Variants in SNTG1 observed in about 807,000 individuals in gnomAD.
SNTG1 encodes the protein syntrophin gamma 1, also known as gamma-1-syntrophin.
Under a neutral mutation model 74.7 loss-of-function variants are expected in SNTG1, and 39 were observed. The observed-to-expected ratio is 0.52, with a 90% CI of 0.40 to 0.68. SNTG1 has a LOEUF of 0.68. Among genes scored for constraint, SNTG1 ranks in the 30% least tolerant of loss-of-function variants. SNTG1 has a pLI of 0.00. For synonymous variants in SNTG1, 254 were observed against 217.1 expected (o/e 1.17, Z -1.49); for missense variants, 685 against 609.5 (o/e 1.12, Z -1.30).
At chr8:50,777,235 A>AT (rs1465747919) in intron 18 of SNTG1, among the ~76,000 whole-genome samples, 1 of 146,850 alleles carries the variant, frequency 6.8e-6, no homozygotes, top group Non-Finnish European at 1.5e-5. Context: ...ATATATATAT[A>AT]ATAATATAAT....
At chr8:50,359,382 T>C (rs2091900219) in intron 2 of SNTG1, among the ~76,000 whole-genome samples, 2 of 152,220 alleles carry the variant, frequency 1.3e-5, no homozygotes, top group Admixed American at 1.3e-4. Context: ...TCTTGCTCTA[T>C]ACAGTCTACT....
At chr8:50,271,059 C>T (rs1252856403) in intron 2 of SNTG1, among the ~76,000 whole-genome samples, 1 of 152,144 alleles carries the variant, frequency 6.6e-6, no homozygotes, top group Non-Finnish European at 1.5e-5. Flanking sequence ...ATGAGATACT[C>T]TGTACCAAAT....
intron 1 of SNTG1, among the ~76,000 whole-genome samples, chr8:49,960,593 C>T (rs1056027989): frequency 6.6e-6 from 1 of 151,856 alleles, no homozygotes; most frequent in Non-Finnish European, 1.5e-5. Context: ...CCATAAGATG[C>T]TACAGTTCAA....
At chr8:50,155,468 A>G (rs1459580999) in intron 1 of SNTG1, among the ~76,000 whole-genome samples, 1 of 152,162 alleles carries the variant, frequency 6.6e-6, no homozygotes, top group Non-Finnish European at 1.5e-5. Context: ...TAGAAAAAAA[A>G]ATGGAAGAAA....
At chr8:50,652,778 C>T (rs1275958699) in intron 13 of SNTG1, among the ~76,000 whole-genome samples, 1 of 151,838 alleles carries the variant, frequency 6.6e-6, no homozygotes, top group Non-Finnish European at 1.5e-5. Context: ...GCCTGGATGA[C>T]AGAGTGTGAC....
intron 17 of SNTG1, among the ~76,000 whole-genome samples, chr8:50,748,614 A>G (rs1405248179): frequency 1.3e-5 from 2 of 152,022 alleles, no homozygotes; most frequent in Non-Finnish European, 2.9e-5. Context: ...GCAACCCTGC[A>G]TTGAGCCACT....
intron 4 of SNTG1, among the ~76,000 whole-genome samples, chr8:50,430,921 C>A (rs1369037847): frequency 6.6e-6 from 1 of 152,096 alleles, no homozygotes; most frequent in Non-Finnish European, 1.5e-5. Context: ...CACACCATAC[C>A]CTGATGTGAA....
intron 13 of SNTG1, among the ~76,000 whole-genome samples, chr8:50,625,993 G>T (rs774047351): frequency 1.3e-5 from 2 of 152,142 alleles, no homozygotes; most frequent in East Asian, 3.9e-4. Flanking sequence ...ACAGCCAAAA[G>T]ATACACACAT....
chr8:50,515,886 C>T (rs963013337), intron 9 of SNTG1, among the ~76,000 whole-genome samples: 24 of 152,114 alleles, frequency 1.6e-4, no homozygotes, highest in African/African-American at 5.3e-4. Context: ...CTTCAGCAGA[C>T]TTAAACGTTC....
rs145378069 is a variant in SNTG1 at position 50,109,461 on chromosome 8, AG to A, written c.-102-63099del. 5.7e-3 allele frequency among the ~76,000 whole-genome samples: 872 copies of A among 152,278 alleles called. 5 individuals are homozygous for A. Among genetic ancestry groups the A allele is most frequent in the Middle Eastern group, 0.01 (3 of 294 alleles). Reference sequence around the variant, plus strand: ...AGAGTATAAAACATGGAGGAATCATAGTGGGGAAAATTGGTAAAACTGCACC... The same window carrying A: ...AGAGTATAAAACATGGAGGAATCATATGGGGAAAATTGGTAAAACTGCACC... On this transcript the variant is annotated intron_variant, in intron 1 of 18. Coordinates refer to ENST00000642720, the MANE Select transcript of SNTG1 (RefSeq NM_018967.5).
At chr8:50,579,975 C>T (rs1173171399) in intron 12 of SNTG1, among the ~76,000 whole-genome samples, 1 of 152,212 alleles carries the variant, frequency 6.6e-6, no homozygotes, top group Non-Finnish European at 1.5e-5. Context: ...TGACGGCTTG[C>T]ACCGTGTGCT....
intron 1 of SNTG1, among the ~76,000 whole-genome samples, chr8:50,041,675 A>G (rs373108587): frequency 6.6e-6 from 1 of 152,206 alleles, no homozygotes; most frequent in Non-Finnish European, 1.5e-5. Flanking sequence ...CTGTGGAACC[A>G]TATTTGTGTC....
At position 50,753,892 on chromosome 8, in the gene SNTG1, A is replaced by C. The variant is rs551699528; in HGVS notation, c.1395+1781A>C. On this transcript the variant is annotated intron_variant, in intron 18 of 18. Coordinates refer to ENST00000642720, the MANE Select transcript of SNTG1 (RefSeq NM_018967.5). ...TCCCTTTATAAAATAAAAGAAAATA[A>C]TACCTCCATAGGTAATACTGAAAAT... Among the ~76,000 whole-genome samples, 22 of 152,112 alleles carry C rather than the reference A, an allele frequency of 1.4e-4. No homozygotes were observed. In the South Asian group the frequency reaches 4.6e-3, roughly 32 times the overall value.
intron 1 of SNTG1, among the ~76,000 whole-genome samples, chr8:49,979,958 G>A (rs1812528924): frequency 6.6e-6 from 1 of 152,186 alleles, no homozygotes; most frequent in South Asian, 2.1e-4. Context: ...TACCCATATA[G>A]ACACCACAGT....
chr8:50,698,414 C>A (rs1457514709), intron 15 of SNTG1, among the ~76,000 whole-genome samples: 2 of 152,234 alleles, frequency 1.3e-5, no homozygotes, highest in South Asian at 4.1e-4. Context: ...TGCCCCAGGC[C>A]TTAGGAGTCA....
chr8:50,215,979 A>T (rs918095022), intron 2 of SNTG1, among the ~76,000 whole-genome samples: 1 of 152,152 alleles, frequency 6.6e-6, no homozygotes, highest in Non-Finnish European at 1.5e-5. Flanking sequence ...ATTTATTGTA[A>T]AATCAAGGAA....
intron 2 of SNTG1, among the ~76,000 whole-genome samples, chr8:50,222,256 G>T (rs2085107356): frequency 1.3e-5 from 2 of 152,166 alleles, no homozygotes; most frequent in Non-Finnish European, 2.9e-5. Flanking sequence ...TCCTAACCTG[G>T]TGGTCTTTCA....
chr8:49,937,085 G>A (rs1028079147), intron 1 of SNTG1, among the ~76,000 whole-genome samples: 6 of 152,174 alleles, frequency 3.9e-5, no homozygotes, highest in Admixed American at 3.3e-4. Flanking sequence ...GGAGGCGGAG[G>A]TTGCAGTGAG....
chr8:50,780,434 G>A (rs1342315373), intron 18 of SNTG1, among the ~76,000 whole-genome samples: 4 of 152,206 alleles, frequency 2.6e-5, no homozygotes, highest in African/African-American at 4.8e-5. Flanking sequence ...AGTCTTGGTA[G>A]CGTGTATGTG....
Sources: allele counts gnomAD v4.1 joint callset (sites outside exome capture counted in the v4.1 genomes callset), GRCh38; gene constraint gnomAD v4.1.1; transcripts MANE v1.5; gene names NCBI Gene and HGNC (gene_info 2026-07-23, HGNC 2026-07-21).